The following GPHN variants were observed in gnomAD, a reference collection of about 807,000 sequenced individuals.
The protein encoded by GPHN is gephyrin.
GPHN carries 17 observed loss-of-function variants against 95.5 expected under a neutral mutation model. That is an observed-to-expected ratio of 0.18 (90% CI 0.12 to 0.27). GPHN has a LOEUF of 0.27. Among genes scored for constraint, GPHN ranks in the 10% least tolerant of loss-of-function variants. The pLI, the probability that GPHN is intolerant of heterozygous loss-of-function variation, is 1.00. For synonymous variants in GPHN, 320 were observed against 322.5 expected (o/e 0.99, Z 0.08); for missense variants, 660 against 978.1 (o/e 0.67, Z 4.34).
chr14:67,507,463 G>A, the GPHN span, among the ~76,000 whole-genome samples: 1 of 152,094 alleles, frequency 6.6e-6, no homozygotes, highest in Non-Finnish European at 1.5e-5. Flanking sequence ...AGCAGACCCT[G>A]GAGTCCCCAG....
intron 21 of GPHN, among the ~76,000 whole-genome samples, chr14:67,174,282 C>T (rs1035395573): frequency 6.8e-6 from 1 of 147,724 alleles, no homozygotes; most frequent in Non-Finnish European, 1.5e-5. Flanking sequence ...TCCCTGTGTC[C>T]GTGTGTTCTC....
At chr14:67,185,010 T>C (rs2083361607), downstream of GPHN, among the ~76,000 whole-genome samples, 1 of 152,084 alleles carries the variant, frequency 6.6e-6, no homozygotes, top group Non-Finnish European at 1.5e-5. Flanking sequence ...GGATGAAGGC[T>C]CAAAAAGCCT....
rs140834112 is a variant in GPHN at position 67,041,891 on chromosome 14, C to T, written c.1007-16758C>T. On this transcript the variant is annotated intron_variant, in intron 10 of 22. Coordinates refer to ENST00000478722, the MANE Select transcript of GPHN (RefSeq NM_020806.5). ...CTCTCCAGCATCTGTTGTTTCCTGA[C>T]GTTTTAATGATCTCCAACCTAACTG... Among the ~76,000 whole-genome samples, 325 of 152,246 alleles carry T rather than the reference C, an allele frequency of 2.1e-3. 1 individual carries two copies. Among genetic ancestry groups the T allele is most frequent in the African/African-American group, 7.3e-3 (304 of 41,564 alleles).
intron 1 of GPHN, chr14:66,509,359 C>G (rs1304777294): frequency 1.3e-5 from 2 of 152,330 alleles, no homozygotes; most frequent in African/African-American, 2.4e-5. Flanking sequence ...TCCTCTCCCC[C>G]TCCTTTCTGG....
intron 9 of GPHN, among the ~76,000 whole-genome samples, chr14:66,967,072 A>G (rs565543640): frequency 1.4e-4 from 22 of 152,022 alleles, no homozygotes; most frequent in African/African-American, 5.3e-4. Flanking sequence ...TCAAATTGAC[A>G]GTGAATTCAT....
chr14:67,448,710 G>A, the GPHN span, among the ~76,000 whole-genome samples: 5 of 152,198 alleles, frequency 3.3e-5, no homozygotes, highest in African/African-American at 9.6e-5. Flanking sequence ...AAACACTTCA[G>A]TGTCACGCTC....
At chr14:67,366,080 A>C in the GPHN span, among the ~76,000 whole-genome samples, 2 of 148,920 alleles carry the variant, frequency 1.3e-5, no homozygotes, top group Non-Finnish European at 3.0e-5. Flanking sequence ...CTAATCTTGT[A>C]CTTTTTTTTT....
the GPHN span, among the ~76,000 whole-genome samples, chr14:67,331,314 A>C: frequency 6.6e-6 from 1 of 152,130 alleles, no homozygotes; most frequent in South Asian, 2.1e-4. Context: ...CAAAGTGCTG[A>C]GATTACAGGC....
chr14:67,013,573 A>G (rs2153618646), intron 9 of GPHN, among the ~76,000 whole-genome samples: 1 of 152,178 alleles, frequency 6.6e-6, no homozygotes, highest in Middle Eastern at 3.4e-3. Context: ...GTTCTTATAT[A>G]TTTCTCGAAG....
At chr14:67,239,838 A>T in the GPHN span, among the ~76,000 whole-genome samples, 1 of 152,226 alleles carries the variant, frequency 6.6e-6, no homozygotes, top group Admixed American at 6.5e-5. Flanking sequence ...CCTGGGCAAA[A>T]GAGCGAAACT....
chr14:67,082,725 A>G (rs1454732449), intron 11 of GPHN, among the ~76,000 whole-genome samples: 1 of 152,100 alleles, frequency 6.6e-6, no homozygotes, highest in African/African-American at 2.4e-5. Context: ...GGTAGTATGA[A>G]CATTAACAAT....
chr14:66,565,923 A>G (rs1009190598), intron 1 of GPHN, among the ~76,000 whole-genome samples: 7 of 152,004 alleles, frequency 4.6e-5, no homozygotes, highest in African/African-American at 1.5e-4. Context: ...GACTTTCAGG[A>G]AAAAGAAACA....
chr14:66,976,151 C>G (rs1277380805), intron 9 of GPHN, among the ~76,000 whole-genome samples: 1 of 152,142 alleles, frequency 6.6e-6, no homozygotes, highest in African/African-American at 2.4e-5. Flanking sequence ...AGAAAATGTT[C>G]TAACTTCACT....
chr14:66,513,524 A>G (rs955232736), intron 1 of GPHN, among the ~76,000 whole-genome samples: 31 of 151,830 alleles, frequency 2.0e-4, no homozygotes, highest in Admixed American at 1.8e-3. Context: ...TTCTGTAAAT[A>G]GGATTGAAGA....
rs2057888279 is a variant in GPHN at position 66,508,602 on chromosome 14, G to A, written c.64+11G>A. The A allele has an allele frequency of 1.9e-6, 3 of 1,610,330 alleles. No homozygotes were observed. The highest frequency in any genetic ancestry group is 1.1e-5 in the South Asian group (1 of 91,018). On this transcript the variant is annotated intron_variant, in intron 1 of 22. Transcript: ENST00000478722. Reference sequence around the variant, plus strand: ...TCGGAGTCCTTACAGGTAACCGGGGGAGGAGGTCTGGGACCTATGAGGCTG... The same window carrying A: ...TCGGAGTCCTTACAGGTAACCGGGGAAGGAGGTCTGGGACCTATGAGGCTG...
At chr14:67,732,385 G>A in the GPHN span, among the ~76,000 whole-genome samples, 2 of 144,226 alleles carry the variant, frequency 1.4e-5, no homozygotes, top group Non-Finnish European at 3.0e-5. Context: ...CTGCATGATA[G>A]TGCCACTGCA....
chr14:66,969,092 T>C (rs2069555268), intron 9 of GPHN: 1 of 152,176 alleles, frequency 6.6e-6, no homozygotes, highest in African/African-American at 2.4e-5. Context: ...TAACAATTCT[T>C]CATAGATTAT....
Position 67,077,135 on chromosome 14 carries a change from GGTTTTGTTTT to G in GPHN, c.1145-11827_1145-11818del, listed in dbSNP as rs754935542. ...CTGACTTGTGATAATTTGACTTGTG[GGTTTTGTTTT>G]GTTTTGTTTTGTTTTGTTTTTTACT... On this transcript the variant is annotated intron_variant, in intron 11 of 22. Coordinates refer to ENST00000478722, the MANE Select transcript of GPHN (RefSeq NM_020806.5). Among the ~76,000 whole-genome samples the G allele has an allele frequency of 5.5e-4, 83 of 152,092 alleles. 2 individuals are homozygous for G. Among genetic ancestry groups the G allele is most frequent in the African/African-American group, 1.9e-3 (80 of 41,510 alleles).
In GPHN at chr14:66,760,480, A is replaced by G. The variant is rs770202645; in HGVS notation, c.144-15984A>G. The G allele has an allele frequency of 2.0e-5, 4 of 204,454 alleles. 1 individual carries two copies. Among genetic ancestry groups the G allele is most frequent in the Middle Eastern group, 1.4e-3 (2 of 1,474 alleles). The allele number at this position is 204,454 out of a possible 1,614,324, so 12.7% of individuals were successfully genotyped here. A position where few individuals can be genotyped will look rare whatever the true frequency, so the allele number is the denominator to read the frequency against. On this transcript the variant is annotated intron_variant, in intron 2 of 22. Transcript: ENST00000478722. ...TTTTTAATGAATGTTTATTGTATCCATATTATATGAAATAATTACAATGGG... is the reference window on the plus strand; with the variant it reads ...TTTTTAATGAATGTTTATTGTATCCGTATTATATGAAATAATTACAATGGG...
Sources: gnomAD v4.1 joint callset for allele counts (sites outside exome capture counted in the v4.1 genomes callset) on GRCh38, gnomAD v4.1.1 for gene constraint, MANE v1.5 for transcripts, NCBI Gene and HGNC (gene_info 2026-07-23, HGNC 2026-07-21) for gene names.